SLIT1: variants seen among roughly 807,000 people sequenced by gnomAD.
The protein encoded by SLIT1 is slit homolog 1 protein.
In SLIT1, 66 loss-of-function variants were observed where a neutral mutation model predicts 186.1. The ratio of observed to expected loss-of-function variants is 0.35; its 90% CI spans 0.29 to 0.44. The LOEUF is 0.44. SLIT1 is among the 20% of genes least tolerant of loss of function. SLIT1 has a pLI of 1.00. For missense variants in SLIT1, 1,638 were observed against 2,037.4 expected, an observed-to-expected ratio of 0.80 and a Z score of 3.77; for synonymous variants, 761 against 833.8, an observed-to-expected ratio of 0.91 and a Z score of 1.50.
intron 8 of SLIT1, among the ~76,000 whole-genome samples, chr10:97,062,705 G>A (rs1012571146): frequency 6.6e-6 from 1 of 152,202 alleles, no homozygotes; most frequent in Non-Finnish European, 1.5e-5. Context: ...GGCACAGCTG[G>A]GGGAGCTGCA....
At chr10:97,015,902 GA>G (rs202189474) in intron 28 of SLIT1, among the ~76,000 whole-genome samples, 3 of 151,352 alleles carry the variant, frequency 2.0e-5, no homozygotes, top group Non-Finnish European at 2.9e-5. Flanking sequence ...TATTTGGTTA[GA>G]AAAAAAAGAC....
intron 4 of SLIT1, among the ~76,000 whole-genome samples, chr10:97,155,909 A>G (rs959385345): frequency 1.3e-5 from 2 of 152,246 alleles, no homozygotes; most frequent in African/African-American, 4.8e-5. Flanking sequence ...TGCTGGGGCC[A>G]AGGCAGGGCA....
rs370150141 is a variant in SLIT1, at chr10:97,058,009, A to G, written c.1086-728T>C. The stretch of plus-strand genomic sequence containing the variant: ...GTACTTCCTCTTCAAACATGGCTTC[A>G]AGGTCATTCCTGGAGTGAGGCACAG... On this transcript the variant is annotated intron_variant, in intron 11 of 36. Coordinates refer to ENST00000266058, the MANE Select transcript of SLIT1 (RefSeq NM_003061.3). 306 of 717,450 alleles carry G rather than the reference A, an allele frequency of 4.3e-4. No homozygotes were observed. In the African/African-American group the frequency reaches 5.0e-3, roughly 12 times the overall value. The allele number at this position is 717,450 out of a possible 1,614,324, so 44.4% of individuals were successfully genotyped here.
chr10:97,156,382 A>T (rs1446854481), intron 4 of SLIT1, among the ~76,000 whole-genome samples: 1 of 152,204 alleles, frequency 6.6e-6, no homozygotes, highest in African/African-American at 2.4e-5. Context: ...GTTTGAAACC[A>T]GCCTGGGCAA....
chr10:97,086,828 T>C (rs963233573), intron 4 of SLIT1, among the ~76,000 whole-genome samples: 2 of 152,172 alleles, frequency 1.3e-5, no homozygotes, highest in African/African-American at 4.8e-5. Context: ...TACAACAGTG[T>C]ATCCATGTCA....
chr10:97,178,959 C>T (rs1485134975), intron 1 of SLIT1, among the ~76,000 whole-genome samples: 1 of 152,154 alleles, frequency 6.6e-6, no homozygotes, highest in Non-Finnish European at 1.5e-5. Context: ...ATCGTCGCCC[C>T]TCAGGGGGTT....
Position 97,021,138 on chromosome 10 carries a change from T to C in SLIT1, c.2746+112A>G, listed in dbSNP as rs574267579. The C allele has an allele frequency of 1.9e-6, 2 of 1,060,786 alleles. No homozygotes were observed. The highest frequency in any genetic ancestry group is 1.7e-5 in the South Asian group (1 of 58,350). The allele number at this position is 1,060,786 out of a possible 1,614,324, so 65.7% of individuals were successfully genotyped here. A position where few individuals can be genotyped will look rare whatever the true frequency, so the allele number is the denominator to read the frequency against. ...CCGCAGGTGCCTTGTTCCTGTCCCCTGACCCCCCGCCCAGCGGTCACCACA... is the reference window on the plus strand; with the variant it reads ...CCGCAGGTGCCTTGTTCCTGTCCCCCGACCCCCCGCCCAGCGGTCACCACA... On this transcript the variant is annotated intron_variant, in intron 26 of 36. Transcript: ENST00000266058. This position sits in a 1 kb window ranked among gnomAD's most constrained non-coding sequence, Gnocchi z 4.5.
At chr10:97,049,145 G>T in intron 13 of SLIT1, 27 bp from the exon 14 acceptor site, 1 of 1,605,420 alleles carries the variant, frequency 6.2e-7, no homozygotes, top group South Asian at 1.1e-5. Flanking sequence ...GATCAGCTAT[G>T]AGAAACAAGG....
chr10:97,003,513 C>T (rs1047417805), intron 34 of SLIT1, among the ~76,000 whole-genome samples: 1 of 152,234 alleles, frequency 6.6e-6, no homozygotes, highest in African/African-American at 2.4e-5. Context: ...AGGCCCAGGG[C>T]CATCCCTCAC....
chr10:97,153,796 G>A (rs1341222708), intron 4 of SLIT1: 1 of 152,296 alleles, frequency 6.6e-6, no homozygotes, highest in African/African-American at 2.4e-5. Context: ...TGATGGAATC[G>A]AGATGCTGCT....
intron 4 of SLIT1, among the ~76,000 whole-genome samples, chr10:97,084,945 A>G (rs1432580662): frequency 7.6e-6 from 1 of 132,026 alleles, no homozygotes. Flanking sequence ...TTTTTTTGAA[A>G]CAGAGTCTCA....
intron 4 of SLIT1, among the ~76,000 whole-genome samples, chr10:97,074,742 G>T (rs891751260): frequency 6.6e-6 from 1 of 152,156 alleles, no homozygotes; most frequent in African/African-American, 2.4e-5. Context: ...TGAAGACAAG[G>T]GGGCCGCCAG....
At chr10:97,162,781 A>G (rs971956753) in intron 3 of SLIT1, among the ~76,000 whole-genome samples, 28 of 152,110 alleles carry the variant, frequency 1.8e-4, no homozygotes, top group Non-Finnish European at 4.0e-4. Flanking sequence ...ATCGGCGACC[A>G]CCGTGAACAT....
At chr10:97,027,085 G>A (rs574482515) in intron 25 of SLIT1, among the ~76,000 whole-genome samples, 5 of 152,276 alleles carry the variant, frequency 3.3e-5, no homozygotes, top group Admixed American at 3.3e-4. Context: ...TCAGGAGCAG[G>A]GCTTCTCAGT....
intron 3 of SLIT1, among the ~76,000 whole-genome samples, chr10:97,162,494 T>C (rs1414205722): frequency 3.9e-5 from 6 of 152,104 alleles, no homozygotes; most frequent in African/African-American, 1.4e-4. Context: ...GCACCTGCAA[T>C]CCCAGCTACT....
chr10:97,177,531 C>T (rs1457192329), intron 1 of SLIT1, among the ~76,000 whole-genome samples: 1 of 152,160 alleles, frequency 6.6e-6, no homozygotes, highest in Admixed American at 6.6e-5. Flanking sequence ...CTGAAAGTAA[C>T]ACAAATGTAT....
chr10:97,164,968 C>T lies in SLIT1; in HGVS notation c.198-78G>A, dbSNP rs368605108. ...GGCCAGGGGCCCTGCTCCAGGTGCC[C>T]TCCCCGCCTGGATCAGCCAGTCGTC... On this transcript the variant is annotated intron_variant, in intron 1 of 36. Coordinates refer to ENST00000266058, the MANE Select transcript of SLIT1 (RefSeq NM_003061.3). 2.7e-6 allele frequency: 3 copies of T among 1,096,564 alleles called. No individual in the cohort carries two copies. The Admixed American group carries it at 5.1e-5, about 19-fold the overall frequency. The allele number at this position is 1,096,564 out of a possible 1,614,324, so 67.9% of individuals were successfully genotyped here. A position where few individuals can be genotyped will look rare whatever the true frequency, so the allele number is the denominator to read the frequency against.
chr10:97,099,136 G>A (rs925702321), intron 4 of SLIT1, among the ~76,000 whole-genome samples: 10 of 121,010 alleles, frequency 8.3e-5, no homozygotes, highest in Admixed American at 1.7e-4. Flanking sequence ...GTGGAGGCGC[G>A]GGGGGTGTCC....
chr10:97,003,948 G>T, intron 34 of SLIT1, 120 bp downstream of exon 34: 2 of 942,344 alleles, frequency 2.1e-6, no homozygotes, highest in Non-Finnish European at 1.6e-6. Context: ...CTGCAGCTTG[G>T]CCACCACCAG....
Sources: gnomAD v4.1 joint callset for allele counts (sites outside exome capture counted in the v4.1 genomes callset) on GRCh38, gnomAD v4.1.1 for gene constraint, Gnocchi (gnomAD v3.1) non-coding constraint, MANE v1.5 for transcripts, NCBI Gene and HGNC (gene_info 2026-07-23, HGNC 2026-07-21) for gene names.